The following SCAF8 variants were observed in gnomAD, a reference collection of about 807,000 sequenced individuals.
SCAF8 encodes the protein SR-related and CTD-associated factor 8.
Under a neutral mutation model 140.5 loss-of-function variants are expected in SCAF8, and 23 were observed. The ratio of observed to expected loss-of-function variants is 0.16; its 90% CI spans 0.12 to 0.23. The LOEUF is 0.23. SCAF8 is among the 10% of genes least tolerant of loss of function. The pLI is 1.00. For missense variants in SCAF8, 1,397 were observed against 1,555.7 expected (o/e 0.90, Z 1.72); for synonymous variants, 575 against 528.9 (o/e 1.09, Z -1.20).
At chr6:154,760,259 A>C (rs973895824) in intron 1 of SCAF8, among the ~76,000 whole-genome samples, 4 of 152,194 alleles carry the variant, frequency 2.6e-5, no homozygotes, top group Admixed American at 6.5e-5. Flanking sequence ...GTGCCACTGC[A>C]CTCCAACCTG....
At chr6:154,803,749 A>G (rs1196031937) in intron 8 of SCAF8, 126 bp downstream of exon 8, 2 of 635,626 alleles carry the variant, frequency 3.1e-6, no homozygotes, top group African/African-American at 1.8e-5. Flanking sequence ...ACATTATACA[A>G]AGGTGGTAGA....
intron 1 of SCAF8, among the ~76,000 whole-genome samples, chr6:154,766,463 TA>T (rs1311796237): frequency 6.6e-6 from 1 of 152,206 alleles, no homozygotes; most frequent in Non-Finnish European, 1.5e-5. Flanking sequence ...TGGATAATTG[TA>T]ACCCTTCTGC....
At position 154,742,027 on chromosome 6, in the gene SCAF8, A is replaced by G. The variant is rs1222059371; in HGVS notation, c.30+8097A>G. 3.3e-6 allele frequency: 5 copies of G among 1,526,060 alleles called. No homozygotes were observed. In the Admixed American group the frequency reaches 5.9e-5, roughly 18 times the overall value. 94.5% of individuals were successfully genotyped at this position (1,526,060 alleles called of 1,614,324 possible). On this transcript the variant is annotated intron_variant, in intron 1 of 19. Coordinates refer to ENST00000367178, the MANE Select transcript of SCAF8 (RefSeq NM_014892.5). ...TGGACACAAGAAGCATAGTAAGATG[A>G]TGATAACCCACATAAGGCAGGCCCT...
At chr6:154,750,802 ATATT>A (rs1216696178) in intron 1 of SCAF8, among the ~76,000 whole-genome samples, 1 of 152,206 alleles carries the variant, frequency 6.6e-6, no homozygotes, top group Non-Finnish European at 1.5e-5. Flanking sequence ...TATAGAACCC[ATATT>A]TATTTGGGAA....
rs1414298913 is a variant in SCAF8 at position 154,815,885 on chromosome 6, C to T, written c.1521+69C>T. 4 of 865,654 alleles carry T rather than the reference C, an allele frequency of 4.6e-6. No individual in the cohort carries two copies. The East Asian group carries it at 1.1e-4, about 24-fold the overall frequency. The allele number at this position is 865,654 out of a possible 1,614,324, so 53.6% of individuals were successfully genotyped here. A position where few individuals can be genotyped will look rare whatever the true frequency, so the allele number is the denominator to read the frequency against. On this transcript the variant is annotated intron_variant, in intron 13 of 19. Transcript: ENST00000367178. ...TTTTTATTAATACAAAGAATCACTT[C>T]TGTTCCTAATTAGCCCAGTAATGTC...
At position 154,824,265 on chromosome 6, in the gene SCAF8, G is replaced by A; in HGVS notation, c.1958G>A (p.Ser653Asn). ...IPVAPAVPTV[S>N]LVPPAFPVSM... ...GTGGCGCCAGCCGTGCCTACAGTTA[G>A]TTTAGTCCCACCAGCATTTCCTGTG... is the stretch of plus-strand genomic sequence containing the variant. Residue 653 changes from serine to asparagine, a missense_variant, in exon 17 of 20, where the codon AGT (serine) becomes AAT (asparagine). Ser to Asn is a conservative substitution (Grantham distance 46). This residue lies in a region of SCAF8 where 930 missense variants were observed against 874.6 expected (regional missense o/e 1.06). Transcript: ENST00000367178. 1 of 1,613,954 alleles carries A rather than the reference G, an allele frequency of 6.2e-7. No homozygotes were observed. Among genetic ancestry groups the A allele is most frequent in the Non-Finnish European group, 8.5e-7 (1 of 1,179,866 alleles).
At chr6:154,782,617 G>A (rs891688482) in intron 3 of SCAF8, among the ~76,000 whole-genome samples, 2 of 152,052 alleles carry the variant, frequency 1.3e-5, no homozygotes, top group African/African-American at 2.4e-5. Flanking sequence ...ATATACAGGG[G>A]AGTTTATTAA....
Position 154,751,918 on chromosome 6 carries a change from C to T in SCAF8, c.30+17988C>T, listed in dbSNP as rs148707880. ...TGGCAAGGAAGTATTGCACAGAGCACCCACTTGGCCAACAGTTCTCCAGCA... is the reference window on the plus strand; with the variant it reads ...TGGCAAGGAAGTATTGCACAGAGCATCCACTTGGCCAACAGTTCTCCAGCA... On this transcript the variant is annotated intron_variant, in intron 1 of 19. Coordinates refer to ENST00000367178, the MANE Select transcript of SCAF8 (RefSeq NM_014892.5). Among the ~76,000 whole-genome samples the T allele has an allele frequency of 1.9e-4, 29 of 152,270 alleles. No individual in the cohort carries two copies. The East Asian group carries it at 5.2e-3, about 27-fold the overall frequency.
chr6:154,811,805 T>C (rs1006461169), intron 12 of SCAF8, among the ~76,000 whole-genome samples: 1 of 152,030 alleles, frequency 6.6e-6, no homozygotes, highest in African/African-American at 2.4e-5. Context: ...TTTCTGTCCT[T>C]GTGATAGTTT....
At chr6:154,735,321 T>TTTAAA (rs1296879755) in intron 1 of SCAF8, among the ~76,000 whole-genome samples, 1 of 152,164 alleles carries the variant, frequency 6.6e-6, no homozygotes, top group African/African-American at 2.4e-5. Context: ...TGCCGTTGCA[T>TTTAAA]AGTTTTATCT....
intron 5 of SCAF8, among the ~76,000 whole-genome samples, chr6:154,794,325 A>G (rs565752749): frequency 3.9e-5 from 6 of 152,220 alleles, no homozygotes; most frequent in Admixed American, 3.3e-4. Flanking sequence ...TTTTGTCTCT[A>G]AAGTAAGATT....
intron 1 of SCAF8, among the ~76,000 whole-genome samples, chr6:154,747,339 C>CA (rs1318831028): frequency 2.0e-5 from 3 of 151,942 alleles, no homozygotes; most frequent in Non-Finnish European, 2.9e-5. Flanking sequence ...TATTGTGAAA[C>CA]AATATGTCTC....
intron 6 of SCAF8, among the ~76,000 whole-genome samples, chr6:154,796,033 A>G (rs985793131): frequency 5.9e-5 from 9 of 152,142 alleles, no homozygotes; most frequent in East Asian, 1.9e-4. Flanking sequence ...ATTTGTAACT[A>G]ATGATAATTC....
chr6:154,777,235 A>G (rs1426140776), intron 2 of SCAF8, among the ~76,000 whole-genome samples: 3 of 152,186 alleles, frequency 2.0e-5, no homozygotes, highest in African/African-American at 7.2e-5. Context: ...TTCTTTAAAC[A>G]GAAATCATAC....
chr6:154,792,005 T>C (rs1777434683), intron 4 of SCAF8, among the ~76,000 whole-genome samples: 1 of 152,014 alleles, frequency 6.6e-6, no homozygotes, highest in South Asian at 2.1e-4. Context: ...TTTTTTATTT[T>C]TTATTATTTT....
In SCAF8 at chr6:154,821,008, C is replaced by T. The variant is rs568371389; in HGVS notation, c.1792+675C>T. Among the ~76,000 whole-genome samples, 4 of 152,262 alleles carry T rather than the reference C, an allele frequency of 2.6e-5. No individual in the cohort carries two copies. In the South Asian group the frequency reaches 8.3e-4, roughly 32 times the overall value. On this transcript the variant is annotated intron_variant, in intron 15 of 19. Coordinates refer to ENST00000367178, the MANE Select transcript of SCAF8 (RefSeq NM_014892.5). Reference sequence around the variant, plus strand: ...ATTTTCAGAATATTTGTTTCTCAGACCAAGGTAAAATTTTGAACCATTTTT... The same window carrying T: ...ATTTTCAGAATATTTGTTTCTCAGATCAAGGTAAAATTTTGAACCATTTTT...
At chr6:154,804,451 TG>T in intron 8 of SCAF8, among the ~76,000 whole-genome samples, 1 of 152,320 alleles carries the variant, frequency 6.6e-6, no homozygotes, top group Non-Finnish European at 1.5e-5. Context: ...ACAGTCCTGA[TG>T]ATACAGTTTA....
At chr6:154,752,810 C>G (rs1483828776) in intron 1 of SCAF8, among the ~76,000 whole-genome samples, 1 of 152,162 alleles carries the variant, frequency 6.6e-6, no homozygotes, top group Non-Finnish European at 1.5e-5. Context: ...CATTCTCCGC[C>G]TCCTAGGTTC....
chr6:154,780,920 T>G (rs1369620577), intron 3 of SCAF8, among the ~76,000 whole-genome samples: 1 of 152,166 alleles, frequency 6.6e-6, no homozygotes, highest in African/African-American at 2.4e-5. Context: ...ATGGTGTTTC[T>G]GGTTCTAGAT....
Sources: gnomAD v4.1 joint callset for allele counts (sites outside exome capture counted in the v4.1 genomes callset) on GRCh38, gnomAD v4.1.1 for gene constraint, gnomAD v4.1.1 regional missense constraint, MANE v1.5 for transcripts, NCBI Gene and HGNC (gene_info 2026-07-23, HGNC 2026-07-21) for gene names.